MAGI2: variants seen among roughly 807,000 people sequenced by gnomAD.
The protein encoded by MAGI2 is membrane-associated guanylate kinase, WW and PDZ domain-containing protein 2.
In MAGI2, 35 loss-of-function variants were observed where a neutral mutation model predicts 133.3. The ratio of observed to expected loss-of-function variants is 0.26; its 90% confidence interval spans 0.20 to 0.35. MAGI2 has a LOEUF of 0.35. Ranked by LOEUF, MAGI2 falls within the 10% of genes least tolerant of loss-of-function variation. The probability of loss-of-function intolerance (pLI) is 1.00; values close to 1 mark genes in which losing one functional copy is unlikely to be tolerated. For synonymous variants in MAGI2, 729 were observed against 710.6 expected (o/e 1.03, Z -0.41); for missense variants, 1,636 against 1,863.4 (o/e 0.88, Z 2.25).
At chr7:78,533,483 A>G (rs1254399395) in intron 3 of MAGI2, among the ~76,000 whole-genome samples, 1 of 152,196 alleles carries the variant, frequency 6.6e-6, no homozygotes, top group African/African-American at 2.4e-5. Flanking sequence ...GTTCCAGTGT[A>G]ATCTCTGAGG....
chr7:79,416,963 A>C (rs1332667147), intron 1 of MAGI2, among the ~76,000 whole-genome samples: 1 of 151,576 alleles, frequency 6.6e-6, no homozygotes, highest in African/African-American at 2.4e-5. Context: ...CTTACTCCGG[A>C]TCTTGTGATC....
chr7:78,210,862 A>AAGC (rs1340096619), intron 10 of MAGI2, among the ~76,000 whole-genome samples: 1 of 152,198 alleles, frequency 6.6e-6, no homozygotes, highest in East Asian at 1.9e-4. Flanking sequence ...ACCTCAGTGG[A>AAGC]AGCAGTTCAA....
At chr7:78,589,339 A>T (rs754045719) in intron 3 of MAGI2, among the ~76,000 whole-genome samples, 2 of 152,234 alleles carry the variant, frequency 1.3e-5, no homozygotes, top group Non-Finnish European at 2.9e-5. Flanking sequence ...TCTTGCAGAT[A>T]AACTGAACAC....
chr7:79,375,726 TA>T (rs1459216935), intron 1 of MAGI2, among the ~76,000 whole-genome samples: 6 of 151,976 alleles, frequency 3.9e-5, no homozygotes, highest in African/African-American at 1.4e-4. Context: ...AGAAAGTGAT[TA>T]AAAGATGAAT....
At chr7:78,825,105 C>A (rs965024880) in intron 2 of MAGI2, among the ~76,000 whole-genome samples, 2 of 152,058 alleles carry the variant, frequency 1.3e-5, no homozygotes, top group African/African-American at 4.8e-5. Context: ...TTTGGACAAA[C>A]ACCTAATGCA....
chr7:78,138,512 T>C (rs1822394903), intron 16 of MAGI2, among the ~76,000 whole-genome samples: 1 of 152,184 alleles, frequency 6.6e-6, no homozygotes, highest in African/African-American at 2.4e-5. Context: ...AAAACACAAA[T>C]GGTATTTGGA....
chr7:78,522,077 C>T (rs1796555270), intron 3 of MAGI2, among the ~76,000 whole-genome samples: 1 of 152,144 alleles, frequency 6.6e-6, no homozygotes, highest in Non-Finnish European at 1.5e-5. Context: ...GCACGTTCTG[C>T]TATTCTGTAG....
intron 6 of MAGI2, among the ~76,000 whole-genome samples, chr7:78,465,873 A>G (rs1043539184): frequency 6.6e-6 from 1 of 152,150 alleles, no homozygotes; most frequent in African/African-American, 2.4e-5. Flanking sequence ...TATTGCCATC[A>G]TTTCTCTGCT....
At chr7:79,062,228 C>A (rs898078500) in intron 1 of MAGI2, among the ~76,000 whole-genome samples, 4 of 152,046 alleles carry the variant, frequency 2.6e-5, no homozygotes, top group African/African-American at 9.7e-5. Context: ...GATTCCAATG[C>A]CACAGCTCAT....
intron 1 of MAGI2, among the ~76,000 whole-genome samples, chr7:79,203,695 A>G (rs1828802175): frequency 6.6e-6 from 1 of 152,072 alleles, no homozygotes; most frequent in African/African-American, 2.4e-5. Flanking sequence ...AGGGGACAGA[A>G]AAAAAACCAA....
intron 6 of MAGI2, among the ~76,000 whole-genome samples, chr7:78,421,598 A>G (rs1209405842): frequency 4.6e-5 from 7 of 152,310 alleles, no homozygotes; most frequent in Non-Finnish European, 8.8e-5. Context: ...GGATCACTTG[A>G]TCCCAGGAGT....
At chr7:78,191,682 T>C (rs1158487820) in intron 12 of MAGI2, among the ~76,000 whole-genome samples, 1 of 152,248 alleles carries the variant, frequency 6.6e-6, no homozygotes, top group African/African-American at 2.4e-5. Flanking sequence ...TTCCTGTCTC[T>C]GTCCTGCTCC....
chr7:79,433,322 C>T (rs1307120206), intron 1 of MAGI2, among the ~76,000 whole-genome samples: 1 of 151,920 alleles, frequency 6.6e-6, no homozygotes, highest in Non-Finnish European at 1.5e-5. Context: ...GAGGCCGAGG[C>T]GGATGGATCA....
chr7:78,033,621 A>T (rs1040504801), intron 21 of MAGI2, among the ~76,000 whole-genome samples: 2 of 152,212 alleles, frequency 1.3e-5, no homozygotes, highest in African/African-American at 4.8e-5. Flanking sequence ...TCTAGAGGGA[A>T]GTACAGAGTG....
At chr7:78,772,762 T>C (rs1825692784) in intron 2 of MAGI2, among the ~76,000 whole-genome samples, 1 of 152,210 alleles carries the variant, frequency 6.6e-6, no homozygotes, top group Non-Finnish European at 1.5e-5. Context: ...CTTCAGTTTG[T>C]GCTACAAAAA....
intron 1 of MAGI2, among the ~76,000 whole-genome samples, chr7:79,096,459 A>C (rs1052042604): frequency 3.9e-5 from 6 of 152,104 alleles, no homozygotes; most frequent in African/African-American, 1.4e-4. Flanking sequence ...TGTCATATGC[A>C]CACATCATGG....
intron 1 of MAGI2, among the ~76,000 whole-genome samples, chr7:79,313,773 TA>T (rs1212919508): frequency 6.6e-6 from 1 of 151,716 alleles, no homozygotes; most frequent in Non-Finnish European, 1.5e-5. Flanking sequence ...CTAGCCAATT[TA>T]GATACATTAT....
chr7:78,454,340 T>C (rs1789072859), intron 6 of MAGI2, among the ~76,000 whole-genome samples: 1 of 152,186 alleles, frequency 6.6e-6, no homozygotes. Flanking sequence ...ATCCCTTCCT[T>C]TCTCTATACA....
chr7:78,160,370 T>A, intron 15 of MAGI2, 97 bp from the exon 16 acceptor site: 1 of 1,268,112 alleles, frequency 7.9e-7, no homozygotes, highest in Non-Finnish European at 1.0e-6. Flanking sequence ...GTGGTATTGT[T>A]ACAAGACTGG....
Sources: gnomAD v4.1 joint callset for allele counts (sites outside exome capture counted in the v4.1 genomes callset) on GRCh38, gnomAD v4.1.1 for gene constraint, MANE v1.5 for transcripts, NCBI Gene and HGNC (gene_info 2026-07-23, HGNC 2026-07-21) for gene names.